Variants in ABCB4 observed in about 807,000 individuals in gnomAD.
The protein encoded by ABCB4 is phosphatidylcholine translocator ABCB4.
In ABCB4, 76 loss-of-function variants were observed where a neutral mutation model predicts 145.7. The ratio of observed to expected loss-of-function variants is 0.52; its 90% CI spans 0.43 to 0.63. The LOEUF is 0.63. ABCB4 is among the 30% of genes least tolerant of loss of function. ABCB4 has a pLI of 0.00. For missense variants in ABCB4, 1,234 were observed against 1,553.1 expected (o/e 0.79, Z 3.45); for synonymous variants, 517 against 566.8 (o/e 0.91, Z 1.25).
intron 3 of ABCB4, among the ~76,000 whole-genome samples, chr7:87,466,685 A>G (rs924922040): frequency 5.3e-5 from 8 of 152,380 alleles, no homozygotes; most frequent in African/African-American, 1.4e-4. Context: ...AGCCCATCAG[A>G]CTAACAGCTG....
the ABCB4 span, among the ~76,000 whole-genome samples, chr7:87,385,131 C>T: frequency 6.6e-6 from 1 of 151,202 alleles, no homozygotes; most frequent in Non-Finnish European, 1.5e-5. Flanking sequence ...AATGTGATAC[C>T]TCAAGCTTTT....
the ABCB4 span, among the ~76,000 whole-genome samples, chr7:87,373,450 T>C: frequency 6.6e-6 from 1 of 152,126 alleles, no homozygotes; most frequent in Non-Finnish European, 1.5e-5. Context: ...TCTCTTTTTT[T>C]GTTGTTACAT....
intron 14 of ABCB4, among the ~76,000 whole-genome samples, chr7:87,433,678 T>G (rs201797075): frequency 0.017 from 2,592 of 148,570 alleles, 67 homozygotes; most frequent in African/African-American, 0.05. Flanking sequence ...TGTTGTTGTT[T>G]TTTTTTTTTT....
At chr7:87,466,356 AT>A (rs1166017160) in intron 3 of ABCB4, among the ~76,000 whole-genome samples, 1 of 152,218 alleles carries the variant, frequency 6.6e-6, no homozygotes, top group Non-Finnish European at 1.5e-5. Context: ...AGAAAAAAGA[AT>A]AAAAAGAAAC....
At chr7:87,434,548 G>A (rs1054530662) in intron 14 of ABCB4, among the ~76,000 whole-genome samples, 1 of 152,108 alleles carries the variant, frequency 6.6e-6, no homozygotes, top group South Asian at 2.1e-4. Flanking sequence ...AAGACATTGA[G>A]ACCATCCTGG....
At chr7:87,418,120 C>G (rs1014638408) in intron 20 of ABCB4, among the ~76,000 whole-genome samples, 2 of 152,238 alleles carry the variant, frequency 1.3e-5, no homozygotes, top group African/African-American at 4.8e-5. Context: ...CAGAACACCA[C>G]CATCCCCTGG....
chr7:87,454,889 G>A (rs1442409309), intron 4 of ABCB4, among the ~76,000 whole-genome samples: 5 of 152,232 alleles, frequency 3.3e-5, no homozygotes, highest in Non-Finnish European at 7.4e-5. Flanking sequence ...AGCCTTCTAA[G>A]GAGGCACAGA....
intron 14 of ABCB4, among the ~76,000 whole-genome samples, chr7:87,432,540 C>T (rs1810316125): frequency 6.6e-6 from 1 of 152,090 alleles, no homozygotes; most frequent in Non-Finnish European, 1.5e-5. Context: ...ATTGTTAGGC[C>T]ATAAAATAGA....
the ABCB4 span, among the ~76,000 whole-genome samples, chr7:87,369,058 TCTC>T: frequency 1.3e-5 from 2 of 152,294 alleles, no homozygotes; most frequent in Admixed American, 1.3e-4. Flanking sequence ...ATTCCACTGG[TCTC>T]CTTCTCCCCT....
chr7:87,444,109 T>C (rs1424162352), intron 10 of ABCB4, among the ~76,000 whole-genome samples: 1 of 152,198 alleles, frequency 6.6e-6, no homozygotes, highest in Non-Finnish European at 1.5e-5. Context: ...ATGCTATAAT[T>C]GATATATATT....
rs760321007 is a variant in ABCB4, at chr7:87,409,327, T to C, written c.2990A>G (p.Tyr997Cys). 8.7e-6 allele frequency: 14 copies of C among 1,614,092 alleles called. No homozygotes were observed. The highest frequency in any genetic ancestry group is 1.2e-5 in the Non-Finnish European group (14 of 1,179,978). Residue 997 changes from tyrosine to cysteine, a missense_variant, in exon 24 of 28, where the codon TAT (tyrosine) becomes TGT (cysteine). This residue lies in a region of ABCB4 where 301 missense variants were observed against 389.0 expected (regional missense o/e 0.77). Coordinates refer to ENST00000649586, the MANE Select transcript of ABCB4 (RefSeq NM_000443.4). ...GGCTGCAGACAGCTTAGCTTTAGCATAGTCTGGAGCAAATGAACTGGCATG... is the reference window on the plus strand; with the variant it reads ...GGCTGCAGACAGCTTAGCTTTAGCACAGTCTGGAGCAAATGAACTGGCATG... ...LGHASSFAPD[Y>C]AKAKLSAAHL...
rs187316276 is a variant in ABCB4, at chr7:87,426,281, T to C, written c.2064+469A>G. Among the ~76,000 whole-genome samples the C allele has an allele frequency of 2.2e-3, 341 of 152,296 alleles. 11 individuals are homozygous for C. The highest frequency in any genetic ancestry group is 0.021 in the Admixed American group (317 of 15,304). On this transcript the variant is annotated intron_variant, in intron 16 of 27. Transcript: ENST00000649586. Reference sequence around the variant, plus strand: ...AGGGAGCTTGTGTCTATGGGGACTGTGGAGCTACTGTTCTAGCCCTGGGTT... The same window carrying C: ...AGGGAGCTTGTGTCTATGGGGACTGCGGAGCTACTGTTCTAGCCCTGGGTT...
chr7:87,426,426 G>A (rs898186251), intron 16 of ABCB4, among the ~76,000 whole-genome samples: 1 of 152,128 alleles, frequency 6.6e-6, no homozygotes, highest in African/African-American at 2.4e-5. Context: ...AATAGAGTAT[G>A]CAAATATCAG....
intron 16 of ABCB4, among the ~76,000 whole-genome samples, chr7:87,426,246 A>T (rs943393331): frequency 2.0e-5 from 3 of 152,186 alleles, no homozygotes; most frequent in Middle Eastern, 3.2e-3. Context: ...GGTAGTGCAG[A>T]TAAAGATGAA....
the ABCB4 span, among the ~76,000 whole-genome samples, chr7:87,386,398 T>C: frequency 6.6e-6 from 1 of 152,172 alleles, no homozygotes; most frequent in African/African-American, 2.4e-5. Context: ...TCAGGTTGTA[T>C]GTGTCCAGGA....
chr7:87,391,659 T>C, the ABCB4 span: 2 of 1,611,964 alleles, frequency 1.2e-6, no homozygotes, highest in Admixed American at 1.7e-5. Flanking sequence ...TATGCGATCA[T>C]GCACAGTTGA....
chr7:87,446,630 A>G (rs1016559804), intron 9 of ABCB4, among the ~76,000 whole-genome samples: 4 of 152,176 alleles, frequency 2.6e-5, no homozygotes, highest in Non-Finnish European at 4.4e-5. Context: ...TATTTCAGAG[A>G]GCTGATTGTT....
At chr7:87,391,619 A>C in the ABCB4 span, 1 of 1,605,166 alleles carries the variant, frequency 6.2e-7, no homozygotes, top group Admixed American at 1.7e-5. Flanking sequence ...CAGCTATGAC[A>C]AGACATTTTT....
At chr7:87,472,096 C>T (rs1231028054) in intron 3 of ABCB4, among the ~76,000 whole-genome samples, 2 of 152,170 alleles carry the variant, frequency 1.3e-5, no homozygotes, top group East Asian at 1.9e-4. Context: ...GGTGTCATCG[C>T]CAGCCTGTCT....
Sources: allele counts gnomAD v4.1 joint callset (sites outside exome capture counted in the v4.1 genomes callset), GRCh38; gene constraint gnomAD v4.1.1; regional missense constraint gnomAD v4.1.1; transcripts MANE v1.5; gene names NCBI Gene and HGNC (gene_info 2026-07-23, HGNC 2026-07-21).